SFXN5: variants seen among roughly 807,000 people sequenced by gnomAD.
SFXN5 encodes the protein sideroflexin 5.
In SFXN5, 43 loss-of-function variants were observed where a neutral mutation model predicts 50.2. The observed-to-expected ratio is 0.86, with a 90% confidence interval of 0.67 to 1.11. The LOEUF (loss-of-function observed/expected upper bound fraction) is 1.11, where lower values mean the gene tolerates loss of function less well. Ranked by LOEUF, SFXN5 falls within the 50% of genes least tolerant of loss-of-function variation. The pLI is 0.00. For synonymous variants in SFXN5, 203 were observed against 185.8 expected (o/e 1.09, Z -0.75); for missense variants, 463 against 454.1 (o/e 1.02, Z -0.18).
intron 12 of SFXN5, among the ~76,000 whole-genome samples, chr2:72,966,194 T>C (rs531807460): frequency 1.1e-4 from 17 of 152,338 alleles, no homozygotes; most frequent in African/African-American, 4.1e-4. Flanking sequence ...TAGGCGTCCA[T>C]TGTCCCCGAG....
chr2:72,995,024 G>T (rs1378617258), intron 9 of SFXN5: 1 of 152,068 alleles, frequency 6.6e-6, no homozygotes, highest in Non-Finnish European at 1.5e-5. Context: ...CACACCCTGG[G>T]GTCACCTTCA....
intron 3 of SFXN5, among the ~76,000 whole-genome samples, chr2:73,035,693 T>C (rs575392195): frequency 6.6e-6 from 1 of 151,968 alleles, no homozygotes; most frequent in East Asian, 1.9e-4. Flanking sequence ...AGAGATGGGG[T>C]TTCACCATAT....
In SFXN5 at chr2:73,020,214, GAAATCCTTTGAAGGTAACACTTAC is replaced by G; in HGVS notation, c.357+1_357+24del. 6.2e-7 allele frequency: 1 copy of G among 1,608,730 alleles called. No individual in the cohort carries two copies. The highest frequency in any genetic ancestry group is 2.2e-5 in the East Asian group (1 of 44,846). Reference sequence around the variant, plus strand: ...CATTTAAAATAATTTTTTAGAAAAGGAAATCCTTTGAAGGTAACACTTACAATTGGCGTCCCAAAAGGAATATAA... The same window carrying G: ...CATTTAAAATAATTTTTTAGAAAAGGAATTGGCGTCCCAAAAGGAATATAA... On this transcript the variant is annotated splice_donor_variant and splice_donor_5th_base_variant and intron_variant, in intron 6 of 13. Coordinates refer to ENST00000272433, the MANE Select transcript of SFXN5 (RefSeq NM_144579.3). LOFTEE classifies it high-confidence loss of function.
intron 2 of SFXN5, among the ~76,000 whole-genome samples, chr2:73,054,672 T>C (rs1681857001): frequency 6.6e-6 from 1 of 152,222 alleles, no homozygotes; most frequent in Non-Finnish European, 1.5e-5. Context: ...CACGTCTCCC[T>C]CTACCATGTC....
intron 9 of SFXN5, among the ~76,000 whole-genome samples, chr2:72,990,916 C>T (rs1212720093): frequency 6.6e-6 from 1 of 152,170 alleles, no homozygotes; most frequent in African/African-American, 2.4e-5. Flanking sequence ...GAAGGCAGCT[C>T]CTGCAGGGAA....
Position 72,960,048 on chromosome 2 carries a change from C to T in SFXN5, c.945+1083G>A, listed in dbSNP as rs1488921914. Among the ~76,000 whole-genome samples the T allele has an allele frequency of 2.6e-5, 4 of 151,990 alleles. No individual in the cohort carries two copies. In the East Asian group the frequency reaches 7.7e-4, roughly 29 times the overall value. ...CCACCCACCCTGATCACACATGGCCCGGATCTGCCCTCACCACCCTGGCTG... is the reference window on the plus strand; with the variant it reads ...CCACCCACCCTGATCACACATGGCCTGGATCTGCCCTCACCACCCTGGCTG... On this transcript the variant is annotated intron_variant, in intron 13 of 13. Coordinates refer to ENST00000272433, the MANE Select transcript of SFXN5 (RefSeq NM_144579.3). This position sits in a 1 kb window ranked among gnomAD's most constrained non-coding sequence, Gnocchi z 6.1.
intron 1 of SFXN5, among the ~76,000 whole-genome samples, chr2:73,063,260 G>C (rs1682948063): frequency 6.6e-6 from 1 of 152,194 alleles, no homozygotes; most frequent in African/African-American, 2.4e-5. Context: ...GTCAGGTACA[G>C]ATTGCCCTAA....
intron 2 of SFXN5, among the ~76,000 whole-genome samples, chr2:73,047,248 ATATAT>A (rs1680520616): frequency 3.5e-5 from 1 of 28,266 alleles, no homozygotes; most frequent in African/African-American, 1.5e-4. Flanking sequence ...AAAAAAAAAT[ATATAT>A]ATATATATAT....
intron 3 of SFXN5, among the ~76,000 whole-genome samples, chr2:73,030,946 A>G (rs1456766244): frequency 6.6e-6 from 1 of 152,194 alleles, no homozygotes; most frequent in Non-Finnish European, 1.5e-5. Flanking sequence ...AAAAATTCCT[A>G]TTCTTTTTAT....
At chr2:73,069,823 A>AG (rs1683445447) in intron 1 of SFXN5, among the ~76,000 whole-genome samples, 2 of 152,060 alleles carry the variant, frequency 1.3e-5, no homozygotes, top group Admixed American at 6.5e-5. Context: ...AAAAAGAAAA[A>AG]GAAAAAAAAA....
chr2:72,982,463 C>T (rs1006868953), intron 10 of SFXN5, among the ~76,000 whole-genome samples: 1 of 152,236 alleles, frequency 6.6e-6, no homozygotes, highest in Non-Finnish European at 1.5e-5. Flanking sequence ...CATCTCAAAC[C>T]TTTTGTGCCA....
intron 3 of SFXN5, among the ~76,000 whole-genome samples, chr2:73,039,324 G>A (rs189547480): frequency 4.6e-5 from 7 of 152,356 alleles, no homozygotes; most frequent in Admixed American, 2.6e-4. Flanking sequence ...GGCCGCGGGA[G>A]GGTACAGTGA....
At chr2:73,055,154 A>G (rs970277394) in intron 2 of SFXN5, among the ~76,000 whole-genome samples, 1 of 152,270 alleles carries the variant, frequency 6.6e-6, no homozygotes, top group Non-Finnish European at 1.5e-5. Flanking sequence ...AAGTAAGCCA[A>G]TGTCAGCACA....
Position 73,001,524 on chromosome 2 carries a change from C to A in SFXN5, c.411+1G>T, listed in dbSNP as rs1236480758. On this transcript the variant is annotated splice_donor_variant, in intron 7 of 13. Coordinates refer to ENST00000272433, the MANE Select transcript of SFXN5 (RefSeq NM_144579.3). LOFTEE classifies it high-confidence loss of function. ...AGCCCTGTTTGCTGCGAGACTGTTA[C>A]CTGCCAGAAGACAGTGGATGCCAGT... The A allele has an allele frequency of 6.2e-7, 1 of 1,614,038 alleles. No individual in the cohort carries two copies. Among genetic ancestry groups the A allele is most frequent in the East Asian group, 2.2e-5 (1 of 44,892 alleles).
At chr2:72,982,622 G>A (rs6753054) in intron 10 of SFXN5, among the ~76,000 whole-genome samples, 26,187 of 152,096 alleles carry the variant, frequency 0.17, 2,419 homozygotes, top group East Asian at 0.32. Context: ...GAAACAACAC[G>A]GGCAGTCCCC....
intron 13 of SFXN5, among the ~76,000 whole-genome samples, chr2:72,954,905 T>C (rs950797418): frequency 2.0e-5 from 3 of 152,344 alleles, no homozygotes; most frequent in African/African-American, 7.2e-5. Flanking sequence ...GGGAGAAACT[T>C]GGTTCTTACA....
In SFXN5 at chr2:73,017,386, A is replaced by C. The variant is rs531532552; in HGVS notation, c.357+2853T>G. ...ATTAATAAGAATGGAGAAACAACTAAAATGGAATGCCAACAGAAATCAGTT... is the reference window on the plus strand; with the variant it reads ...ATTAATAAGAATGGAGAAACAACTACAATGGAATGCCAACAGAAATCAGTT... On this transcript the variant is annotated intron_variant, in intron 6 of 13. Transcript: ENST00000272433. 8.5e-5 allele frequency among the ~76,000 whole-genome samples: 13 copies of C among 152,346 alleles called. No individual in the cohort carries two copies. The South Asian group carries it at 2.7e-3, about 32-fold the overall frequency.
chr2:72,944,866 G>A lies in SFXN5; in HGVS notation c.*156C>T, dbSNP rs940688633. 1 of 617,956 alleles carries A rather than the reference G, an allele frequency of 1.6e-6. No individual in the cohort carries two copies. The highest frequency in any genetic ancestry group is 1.9e-5 in the African/African-American group (1 of 54,018). 38.3% of individuals were successfully genotyped at this position (617,956 alleles called of 1,614,324 possible). ...CTTGCCTATGTTAAAATGTGAATGG[G>A]TCAGTCTCCCTCCACTGTAGGTTGA... is the stretch of plus-strand genomic sequence containing the variant. On this transcript the variant is annotated 3_prime_UTR_variant, in exon 14 of 14. Transcript: ENST00000272433.
In SFXN5 at chr2:72,961,288, G is replaced by T; in HGVS notation, c.828-40C>A. 7.1e-7 allele frequency: 1 copy of T among 1,418,252 alleles called. No individual in the cohort carries two copies. The highest frequency in any genetic ancestry group is 9.3e-7 in the Non-Finnish European group (1 of 1,073,028). The allele number at this position is 1,418,252 out of a possible 1,614,324, so 87.9% of individuals were successfully genotyped here. On this transcript the variant is annotated intron_variant, in intron 12 of 13. Transcript: ENST00000272433. This position sits in a 1 kb window ranked among gnomAD's most constrained non-coding sequence, Gnocchi z 4.4. ...GGAGGGAGCCCCATGAGACCCGAAG[G>T]TGGGGTGGGCTGGCTGCCAGCCACC... is the stretch of plus-strand genomic sequence containing the variant.
Sources: gnomAD v4.1 joint callset for allele counts (sites outside exome capture counted in the v4.1 genomes callset) on GRCh38, gnomAD v4.1.1 for gene constraint, Gnocchi (gnomAD v3.1) non-coding constraint, MANE v1.5 for transcripts, NCBI Gene and HGNC (gene_info 2026-07-23, HGNC 2026-07-21) for gene names.